Variants in PARD3 observed in about 807,000 individuals in gnomAD.
The protein encoded by PARD3 is partitioning defective 3 homolog.
Under a neutral mutation model 155.4 loss-of-function variants are expected in PARD3, and 75 were observed. That is an observed-to-expected ratio of 0.48 (90% confidence interval 0.40 to 0.58). The LOEUF (loss-of-function observed/expected upper bound fraction) is 0.58, where lower values mean the gene tolerates loss of function less well. Ranked by LOEUF, PARD3 falls within the 20% of genes least tolerant of loss-of-function variation. The probability of loss-of-function intolerance (pLI) is 0.00; values close to 1 mark genes in which losing one functional copy is unlikely to be tolerated. For missense variants in PARD3, 1,642 were observed against 1,721.7 expected (o/e 0.95, Z 0.82); for synonymous variants, 576 against 610.5 (o/e 0.94, Z 0.83).
intron 22 of PARD3, among the ~76,000 whole-genome samples, chr10:34,215,221 G>A (rs1951946634): frequency 6.6e-6 from 1 of 152,152 alleles, no homozygotes; most frequent in African/African-American, 2.4e-5. Context: ...CCAATCTCAG[G>A]AGGTCAGCCC....
At chr10:34,500,427 T>A (rs976240206) in intron 3 of PARD3, among the ~76,000 whole-genome samples, 2 of 152,168 alleles carry the variant, frequency 1.3e-5, no homozygotes, top group Non-Finnish European at 2.9e-5. Flanking sequence ...AAAGTTTCTG[T>A]CCAAAACAGA....
chr10:34,153,947 C>G (rs1456720455), intron 22 of PARD3, among the ~76,000 whole-genome samples: 1 of 152,186 alleles, frequency 6.6e-6, no homozygotes, highest in Non-Finnish European at 1.5e-5. Flanking sequence ...AAAACCATTT[C>G]CCTCACTCCG....
chr10:34,516,957 A>G, intron 3 of PARD3, 22 bp downstream of exon 3: 2 of 1,603,608 alleles, frequency 1.2e-6, no homozygotes, highest in Non-Finnish European at 1.7e-6. Flanking sequence ...GAAATGGAAG[A>G]GAAGAAAGAG....
chr10:34,514,207 T>C (rs1046114358), intron 3 of PARD3, among the ~76,000 whole-genome samples: 9 of 152,212 alleles, frequency 5.9e-5, no homozygotes, highest in African/African-American at 1.9e-4. Flanking sequence ...AATTCATTCA[T>C]TGGAAAACAC....
At chr10:34,170,828 T>G (rs1314787405) in intron 22 of PARD3, among the ~76,000 whole-genome samples, 2 of 152,236 alleles carry the variant, frequency 1.3e-5, no homozygotes, top group East Asian at 3.8e-4. Context: ...CCAAGGTTGC[T>G]TTTTAAAATA....
intron 21 of PARD3, among the ~76,000 whole-genome samples, chr10:34,272,701 A>G (rs925954685): frequency 6.6e-6 from 1 of 152,124 alleles, no homozygotes; most frequent in East Asian, 1.9e-4. Context: ...ACTCCAGCCT[A>G]TGTGACAGAG....
At chr10:34,337,533 C>CA in intron 16 of PARD3, 107 bp from the exon 17 acceptor site, 1 of 509,046 alleles carries the variant, frequency 2.0e-6, no homozygotes, top group Non-Finnish European at 3.1e-6. Context: ...TATGTATATT[C>CA]CTCAAGAAAA....
chr10:34,492,527 T>C (rs1017555150), intron 3 of PARD3, among the ~76,000 whole-genome samples: 1 of 152,216 alleles, frequency 6.6e-6, no homozygotes, highest in Admixed American at 6.5e-5. Flanking sequence ...AAATAAATAC[T>C]ATATTCTAAA....
At chr10:34,227,399 G>A (rs1299658161) in intron 22 of PARD3, among the ~76,000 whole-genome samples, 1 of 152,202 alleles carries the variant, frequency 6.6e-6, no homozygotes, top group Non-Finnish European at 1.5e-5. Flanking sequence ...ACTTTGGGAG[G>A]CCGAGGTAGG....
intron 5 of PARD3, among the ~76,000 whole-genome samples, chr10:34,427,106 A>T (rs773948): frequency 0.73 from 111,768 of 152,110 alleles, 42,349 homozygotes; most frequent in African/African-American, 0.93. Flanking sequence ...GCACAAATTG[A>T]TTGTAGAGCA....
At chr10:34,393,030 C>A (rs908556389) in intron 7 of PARD3, among the ~76,000 whole-genome samples, 2 of 151,486 alleles carry the variant, frequency 1.3e-5, no homozygotes, top group Non-Finnish European at 1.5e-5. Context: ...GCTACAATGG[C>A]AGATTTTCTG....
At chr10:34,567,211 T>C (rs911198607) in intron 2 of PARD3, among the ~76,000 whole-genome samples, 2 of 152,198 alleles carry the variant, frequency 1.3e-5, no homozygotes, top group Non-Finnish European at 2.9e-5. Flanking sequence ...AAAATGATAC[T>C]GAACAAAGTA....
intron 22 of PARD3, among the ~76,000 whole-genome samples, chr10:34,250,068 G>A (rs190555449): frequency 6.6e-6 from 1 of 152,094 alleles, no homozygotes; most frequent in East Asian, 1.9e-4. Context: ...CATACAATAA[G>A]TCCATCCTAA....
intron 22 of PARD3, among the ~76,000 whole-genome samples, chr10:34,214,014 G>C (rs11009680): frequency 0.17 from 26,560 of 152,018 alleles, 2,607 homozygotes; most frequent in Middle Eastern, 0.31. Context: ...TCCCACCTCA[G>C]CCTCCTGAGT....
chr10:34,290,380 C>T (rs976260146), intron 20 of PARD3, among the ~76,000 whole-genome samples: 1 of 152,216 alleles, frequency 6.6e-6, no homozygotes, highest in Non-Finnish European at 1.5e-5. Context: ...TGAAATGTCA[C>T]CTAGAAATCT....
intron 4 of PARD3, among the ~76,000 whole-genome samples, chr10:34,457,251 G>A (rs1472058968): frequency 6.6e-6 from 1 of 152,134 alleles, no homozygotes; most frequent in African/African-American, 2.4e-5. Context: ...AAACTAAAAC[G>A]GGCGCGGATT....
At chr10:34,358,402 C>T (rs1423506602) in intron 14 of PARD3, among the ~76,000 whole-genome samples, 9 of 152,020 alleles carry the variant, frequency 5.9e-5, no homozygotes, top group African/African-American at 9.7e-5. Context: ...TAATACAATA[C>T]AGATCACTGA....
chr10:34,193,423 C>A (rs1423299808), intron 22 of PARD3, among the ~76,000 whole-genome samples: 2 of 152,114 alleles, frequency 1.3e-5, no homozygotes, highest in African/African-American at 2.4e-5. Flanking sequence ...CAAAGAGATC[C>A]ATTTAATGAA....
At chr10:34,246,504 G>T (rs1426481962) in intron 22 of PARD3, among the ~76,000 whole-genome samples, 1 of 152,148 alleles carries the variant, frequency 6.6e-6, no homozygotes, top group Non-Finnish European at 1.5e-5. Flanking sequence ...ACAGAATTAT[G>T]AATCTGGGAG....
Sources: gnomAD v4.1 joint callset for allele counts (sites outside exome capture counted in the v4.1 genomes callset) on GRCh38, gnomAD v4.1.1 for gene constraint, MANE v1.5 for transcripts, NCBI Gene and HGNC (gene_info 2026-07-23, HGNC 2026-07-21) for gene names.